Variants in CYP46A1 observed in about 807,000 individuals in gnomAD.
The protein encoded by CYP46A1 is cytochrome P450 family 46 subfamily A member 1.
Under a neutral mutation model 63.3 loss-of-function variants are expected in CYP46A1, and 20 were observed. The ratio of observed to expected loss-of-function variants is 0.32; its 90% confidence interval spans 0.22 to 0.46. The LOEUF (loss-of-function observed/expected upper bound fraction) is 0.46. Among genes scored for constraint, CYP46A1 ranks in the 20% least tolerant of loss-of-function variants. The pLI is 1.00. For synonymous variants in CYP46A1, 268 were observed against 273.6 expected, an observed-to-expected ratio of 0.98 and a Z score of 0.20; for missense variants, 445 against 670.8, an observed-to-expected ratio of 0.66 and a Z score of 3.72.
At chr14:99,710,939 T>C (rs1482274010) in intron 7 of CYP46A1, 1 of 152,042 alleles carries the variant, frequency 6.6e-6, no homozygotes, top group Admixed American at 6.6e-5. Context: ...TTTTAAGAAA[T>C]TGAAATCATA....
At chr14:99,710,650 C>A (rs2056721259) in intron 7 of CYP46A1, 1 of 152,038 alleles carries the variant, frequency 6.6e-6, no homozygotes, top group African/African-American at 2.4e-5. Flanking sequence ...TATTTGCACC[C>A]AATACCAGAG....
At chr14:99,684,757 G>A (rs1442222942) in intron 1 of CYP46A1, 2 of 635,306 alleles carry the variant, frequency 3.1e-6, no homozygotes, top group Admixed American at 4.2e-5. Context: ...CCCCACAAAC[G>A]TGATGGCAGC....
At position 99,726,568 on chromosome 14, in the gene CYP46A1, G is replaced by T; in HGVS notation, c.1344G>T (p.Lys448Asn). 3 of 1,587,510 alleles carry T rather than the reference G, an allele frequency of 1.9e-6. No individual in the cohort carries two copies. Among genetic ancestry groups the T allele is most frequent in the Non-Finnish European group, 2.6e-6 (3 of 1,168,256 alleles). The change falls in exon 15 of 15, where the codon AAG (lysine) becomes AAT (asparagine). Residue 448 changes from lysine (K) to asparagine (N), a missense_variant. Around this residue, in one of 4 missense-constraint regions of CYP46A1, gnomAD observed 85 missense variants for 80.1 expected, o/e 1.06. Transcript: ENST00000261835. ...IGQQFAQMEV[K>N]VVMAKLLQRL... is the part of the protein sequence containing the mutation. ...CCCGCTGGGCCCAGATGGAGGTGAA[G>T]GTGGTCATGGCAAAGCTGCTGCAGA... is the stretch of plus-strand genomic sequence containing the variant.
intron 12 of CYP46A1, among the ~76,000 whole-genome samples, chr14:99,724,218 G>A (rs1333294485): frequency 6.9e-6 from 1 of 144,716 alleles, no homozygotes; most frequent in East Asian, 2.2e-4. Flanking sequence ...CTGGGGATTA[G>A]GACTCCAACA....
At chr14:99,697,586 G>T (rs568507633) in intron 3 of CYP46A1, among the ~76,000 whole-genome samples, 1 of 152,268 alleles carries the variant, frequency 6.6e-6, no homozygotes, top group South Asian at 2.1e-4. Context: ...ACTGCCTGTT[G>T]TCCAGTGTCT....
chr14:99,724,264 A>G (rs2056874833), intron 12 of CYP46A1, among the ~76,000 whole-genome samples: 1 of 152,164 alleles, frequency 6.6e-6, no homozygotes, highest in South Asian at 2.1e-4. Flanking sequence ...TCAGCCCATG[A>G]CAGGATCCTT....
chr14:99,714,591 T>C (rs2056770069), intron 7 of CYP46A1, among the ~76,000 whole-genome samples: 1 of 151,892 alleles, frequency 6.6e-6, no homozygotes, highest in African/African-American at 2.4e-5. Flanking sequence ...AAACCCCATC[T>C]CTACTAAAAA....
At chr14:99,716,292 G>T in intron 9 of CYP46A1, 93 bp downstream of exon 9, 1 of 1,390,282 alleles carries the variant, frequency 7.2e-7, no homozygotes, top group Non-Finnish European at 1.0e-6. Context: ...GGATTTTTTG[G>T]GCTATCTGAG....
chr14:99,695,970 T>A (rs2056584149), intron 3 of CYP46A1, among the ~76,000 whole-genome samples: 1 of 152,126 alleles, frequency 6.6e-6, no homozygotes. Flanking sequence ...GCATGTTATA[T>A]CTTTTTTCTG....
chr14:99,697,862 C>G (rs963514929), intron 3 of CYP46A1, among the ~76,000 whole-genome samples: 1 of 152,096 alleles, frequency 6.6e-6, no homozygotes, highest in Admixed American at 6.5e-5. Context: ...CTGACTGAGG[C>G]TACTCTGCCT....
chr14:99,707,075 G>T (rs572204977), intron 6 of CYP46A1, among the ~76,000 whole-genome samples: 3 of 152,274 alleles, frequency 2.0e-5, no homozygotes, highest in African/African-American at 7.2e-5. Context: ...CTGACTCTCA[G>T]CCCAAAGGCT....
rs780745972 is a variant in CYP46A1, at chr14:99,703,045, GA to G, written c.443+2945del. ...TTGAAGATGACAGGACAGTTTTGTA[GA>G]TGGTTCTTCAGTTTGAATTTGTCAG... On this transcript the variant is annotated intron_variant, in intron 5 of 14. Transcript: ENST00000261835. Among the ~76,000 whole-genome samples the G allele has an allele frequency of 1.1e-4, 17 of 152,284 alleles. No homozygotes were observed. In the South Asian group the frequency reaches 1.2e-3, roughly 11 times the overall value.
At chr14:99,689,369 T>A (rs2056523853) in intron 1 of CYP46A1, among the ~76,000 whole-genome samples, 1 of 152,098 alleles carries the variant, frequency 6.6e-6, no homozygotes, top group African/African-American at 2.4e-5. Flanking sequence ...AACAAACCAA[T>A]AAAACAAGTT....
rs1265528949 is a variant in CYP46A1 at position 99,714,772 on chromosome 14, A to AG, written c.694-1038_694-1037insG. 2.0e-5 allele frequency among the ~76,000 whole-genome samples: 3 copies of AG among 152,004 alleles called. No homozygotes were observed. In the East Asian group the frequency reaches 5.8e-4, roughly 29 times the overall value. On this transcript the variant is annotated intron_variant, in intron 7 of 14. Transcript: ENST00000261835. ...TGAAACCCCATCTCAAAAAAAAAAA[A>AG]AAAAGAAAAGAAAATTTGATGTATA...
At chr14:99,707,744 C>A in intron 7 of CYP46A1, 66 bp downstream of exon 7, 1 of 1,405,920 alleles carries the variant, frequency 7.1e-7, no homozygotes, top group Non-Finnish European at 9.9e-7. Flanking sequence ...GCTGAAGAAC[C>A]TCCTTCAGTG....
chr14:99,700,126 G>T (rs758765792), intron 5 of CYP46A1, 25 bp downstream of exon 5: 1 of 1,568,262 alleles, frequency 6.4e-7, no homozygotes. Flanking sequence ...AGGCTCCGTG[G>T]CTCCTGCCTG....
intron 5 of CYP46A1, among the ~76,000 whole-genome samples, chr14:99,700,807 A>G (rs1449078994): frequency 6.6e-6 from 1 of 152,208 alleles, no homozygotes; most frequent in Non-Finnish European, 1.5e-5. Flanking sequence ...TTACTATACA[A>G]CAGCCTCAGG....
At chr14:99,717,676 A>G (rs2056803014) in intron 9 of CYP46A1, 1 of 196,892 alleles carries the variant, frequency 5.1e-6, no homozygotes, top group Non-Finnish European at 1.0e-5. Context: ...CCAGAACTCA[A>G]AATCAGCCTC....
chr14:99,706,428 G>A, intron 5 of CYP46A1: 1 of 554,502 alleles, frequency 1.8e-6, no homozygotes, highest in Non-Finnish European at 3.2e-6. Flanking sequence ...CAAGGGAACA[G>A]CATCCATCCT....
Sources: gnomAD v4.1 joint callset for allele counts (sites outside exome capture counted in the v4.1 genomes callset) on GRCh38, gnomAD v4.1.1 for gene constraint, gnomAD v4.1.1 regional missense constraint, MANE v1.5 for transcripts, NCBI Gene and HGNC (gene_info 2026-07-23, HGNC 2026-07-21) for gene names.